ASAP2: variants seen among roughly 807,000 people sequenced by gnomAD.
ASAP2 encodes the protein ArfGAP with SH3 domain, ankyrin repeat and PH domain 2.
A neutral mutation model predicts 131.4 loss-of-function variants in ASAP2; 45 were observed. That is an observed-to-expected ratio of 0.34 (90% CI 0.27 to 0.44). The LOEUF (loss-of-function observed/expected upper bound fraction) is 0.44. ASAP2 is among the 20% of genes least tolerant of loss of function. ASAP2 has a pLI of 1.00. For synonymous variants in ASAP2, 510 were observed against 503.0 expected, an observed-to-expected ratio of 1.01 and a Z score of -0.19; for missense variants, 1,011 against 1,297.0, an observed-to-expected ratio of 0.78 and a Z score of 3.39.
chr2:9,275,763 G>A (rs1666722329), intron 1 of ASAP2, among the ~76,000 whole-genome samples: 1 of 152,090 alleles, frequency 6.6e-6, no homozygotes, highest in Admixed American at 6.5e-5. Flanking sequence ...CCTGTTCTGT[G>A]GCAAGCTCTC....
chr2:9,233,239 G>A (rs1663290853), intron 1 of ASAP2, among the ~76,000 whole-genome samples: 1 of 152,172 alleles, frequency 6.6e-6, no homozygotes, highest in African/African-American at 2.4e-5. Flanking sequence ...TATTATGCCG[G>A]GACTTTGAAG....
In ASAP2 at chr2:9,392,863, A is replaced by G. The variant is rs938354596; in HGVS notation, c.2519-619A>G. 3.9e-5 allele frequency among the ~76,000 whole-genome samples: 6 copies of G among 152,210 alleles called. No homozygotes were observed. The highest frequency in any genetic ancestry group is 1.3e-4 in the Admixed American group (2 of 15,284). On this transcript the variant is annotated intron_variant, in intron 23 of 27. Coordinates refer to ENST00000281419, the MANE Select transcript of ASAP2 (RefSeq NM_003887.3). This position sits in a 1 kb window ranked among gnomAD's most constrained non-coding sequence, Gnocchi z 4.0. ...AAGGGAGGAGAGACGGAGGAAGGAGACTTGGACTCACAGCCTCCCTCCAGG... is the reference window on the plus strand; with the variant it reads ...AAGGGAGGAGAGACGGAGGAAGGAGGCTTGGACTCACAGCCTCCCTCCAGG...
chr2:9,261,847 C>A (rs1303349287), intron 1 of ASAP2, among the ~76,000 whole-genome samples: 1 of 152,156 alleles, frequency 6.6e-6, no homozygotes, highest in African/African-American at 2.4e-5. Flanking sequence ...ACCCCGGTGG[C>A]CACTCCTACT....
Position 9,405,314 on chromosome 2 carries a change from T to C in ASAP2, c.*1987T>C, listed in dbSNP as rs780431665. On this transcript the variant is annotated 3_prime_UTR_variant, in exon 28 of 28. Transcript: ENST00000281419. ...AAGAGAAAGAAAAACATTGTAGATATCTATTTATATTTAAAGTTTATGTTT... is the reference window on the plus strand; with the variant it reads ...AAGAGAAAGAAAAACATTGTAGATACCTATTTATATTTAAAGTTTATGTTT... 6.6e-5 allele frequency: 10 copies of C among 152,468 alleles called. No individual in the cohort carries two copies. Among genetic ancestry groups the C allele is most frequent in the Admixed American group, 1.3e-4 (2 of 15,274 alleles). The allele number at this position is 152,468 out of a possible 1,614,324, so 9.4% of individuals were successfully genotyped here. A position where few individuals can be genotyped will look rare whatever the true frequency, so the allele number is the denominator to read the frequency against.
intron 19 of ASAP2, among the ~76,000 whole-genome samples, chr2:9,379,276 C>T (rs537276881): frequency 3.3e-5 from 5 of 152,334 alleles, no homozygotes; most frequent in African/African-American, 9.6e-5. Flanking sequence ...GGCGCGTTTA[C>T]AGGCATTTTA....
At chr2:9,212,936 C>T (rs936015841) in intron 1 of ASAP2, among the ~76,000 whole-genome samples, 4 of 152,192 alleles carry the variant, frequency 2.6e-5, no homozygotes, top group African/African-American at 9.7e-5. Context: ...GTTGCTTGGG[C>T]GTTTGTGAAG....
intron 15 of ASAP2, among the ~76,000 whole-genome samples, chr2:9,364,094 C>A (rs1336338743): frequency 6.6e-6 from 1 of 152,128 alleles, no homozygotes; most frequent in African/African-American, 2.4e-5. Context: ...TTTTTCAGGT[C>A]ATATGAAAAA....
intron 1 of ASAP2, among the ~76,000 whole-genome samples, chr2:9,249,562 A>G (rs1241265057): frequency 6.6e-6 from 1 of 152,238 alleles, no homozygotes; most frequent in Admixed American, 6.5e-5. Context: ...TGTCCTGTGA[A>G]TAATTCCTGG....
At chr2:9,385,725 G>T (rs1675210063) in intron 21 of ASAP2, among the ~76,000 whole-genome samples, 1 of 152,158 alleles carries the variant, frequency 6.6e-6, no homozygotes, top group Non-Finnish European at 1.5e-5. Flanking sequence ...CATTCTCCTG[G>T]TTGATCTTAT....
chr2:9,318,711 T>A (rs1416325099), intron 4 of ASAP2, 113 bp downstream of exon 4: 1 of 639,850 alleles, frequency 1.6e-6, no homozygotes, highest in African/African-American at 1.9e-5. Flanking sequence ...GACGATAGGA[T>A]GGCTCTTTTA....
At chr2:9,379,385 A>AGTCT (rs939016838) in intron 19 of ASAP2, among the ~76,000 whole-genome samples, 2 of 152,166 alleles carry the variant, frequency 1.3e-5, no homozygotes, top group African/African-American at 4.8e-5. Context: ...ACATACCCTG[A>AGTCT]GTCTACTCAC....
At chr2:9,377,073 T>C (rs1674459337) in intron 18 of ASAP2, 80 bp downstream of exon 18, 1 of 1,241,696 alleles carries the variant, frequency 8.1e-7, no homozygotes, top group African/African-American at 1.5e-5. Context: ...GCCTCATCGC[T>C]TCTGATGTGT....
chr2:9,223,972 G>A (rs1045162909), intron 1 of ASAP2, among the ~76,000 whole-genome samples: 19 of 152,170 alleles, frequency 1.2e-4, no homozygotes, highest in African/African-American at 4.3e-4. Context: ...AATCCACTGA[G>A]GATAGTATCC....
intron 3 of ASAP2, among the ~76,000 whole-genome samples, chr2:9,302,715 T>C (rs534203727): frequency 2.6e-3 from 400 of 152,242 alleles, no homozygotes; most frequent in Non-Finnish European, 4.6e-3. Flanking sequence ...CCTCAAGTGA[T>C]CCACCCGCCT....
intron 1 of ASAP2, among the ~76,000 whole-genome samples, chr2:9,246,147 G>GA (rs1390496164): frequency 6.6e-6 from 1 of 151,966 alleles, no homozygotes; most frequent in African/African-American, 2.4e-5. Flanking sequence ...ACATTTGAGT[G>GA]AAAAAATGAA....
chr2:9,398,516 C>A (rs777645051), intron 24 of ASAP2, among the ~76,000 whole-genome samples: 1 of 151,780 alleles, frequency 6.6e-6, no homozygotes, highest in Non-Finnish European at 1.5e-5. Flanking sequence ...ACTCAAAAAA[C>A]AAACACAAAG....
chr2:9,380,853 A>T (rs1674785143), intron 20 of ASAP2, 45 bp downstream of exon 20: 3 of 1,591,226 alleles, frequency 1.9e-6, no homozygotes, highest in Non-Finnish European at 2.6e-6. Flanking sequence ...CTGTCACGGG[A>T]CAGGGAGCCA....
At position 9,401,734 on chromosome 2, in the gene ASAP2, G is replaced by T. The variant is rs993631381; in HGVS notation, c.2946+338G>T. Among the ~76,000 whole-genome samples, 4 of 152,212 alleles carry T rather than the reference G, an allele frequency of 2.6e-5. No individual in the cohort carries two copies. The South Asian group carries it at 8.3e-4, about 32-fold the overall frequency. On this transcript the variant is annotated intron_variant, in intron 27 of 27. Coordinates refer to ENST00000281419, the MANE Select transcript of ASAP2 (RefSeq NM_003887.3). ...ATTAGTGGAATCGGGTGTCTGGAGA[G>T]AGCTGACCTAGAGCGCAGAGCCCCA...
In ASAP2 at chr2:9,232,480, A is replaced by G. The variant is rs907380253; in HGVS notation, c.126+25250A>G. On this transcript the variant is annotated intron_variant, in intron 1 of 27. Coordinates refer to ENST00000281419, the MANE Select transcript of ASAP2 (RefSeq NM_003887.3). This position sits in a 1 kb window ranked among gnomAD's most constrained non-coding sequence, Gnocchi z 4.1. ...ATTTACTGTCTGTCTTTGACAAACT[A>G]TGATCTTGGAAGTGCAGAGAACTTG... is the stretch of plus-strand genomic sequence containing the variant. Among the ~76,000 whole-genome samples the G allele has an allele frequency of 2.0e-5, 3 of 152,220 alleles. No individual in the cohort carries two copies. Among genetic ancestry groups the G allele is most frequent in the East Asian group, 1.9e-4 (1 of 5,204 alleles).
Sources: gnomAD v4.1 joint callset for allele counts (sites outside exome capture counted in the v4.1 genomes callset) on GRCh38, gnomAD v4.1.1 for gene constraint, Gnocchi (gnomAD v3.1) non-coding constraint, MANE v1.5 for transcripts, NCBI Gene and HGNC (gene_info 2026-07-23, HGNC 2026-07-21) for gene names.